CD44: variants seen among roughly 807,000 people sequenced by gnomAD.
CD44 encodes CD44 antigen.
In CD44, 49 loss-of-function variants were observed where a neutral mutation model predicts 88.8. That is an observed-to-expected ratio of 0.55 (90% confidence interval 0.44 to 0.70). The LOEUF (loss-of-function observed/expected upper bound fraction) is 0.70. CD44 is among the 30% of genes least tolerant of loss of function. The probability of loss-of-function intolerance (pLI) is 0.00; values close to 1 mark genes in which losing one functional copy is unlikely to be tolerated. For missense variants in CD44, 883 were observed against 913.8 expected, an observed-to-expected ratio of 0.97 and a Z score of 0.43; for synonymous variants, 325 against 312.3, an observed-to-expected ratio of 1.04 and a Z score of -0.43.
At chr11:35,145,495 G>A (rs533804008) in intron 1 of CD44, among the ~76,000 whole-genome samples, 8 of 152,176 alleles carry the variant, frequency 5.3e-5, no homozygotes, top group Non-Finnish European at 7.4e-5. Context: ...GTTTGTTTGC[G>A]GCTTTGGTGG....
intron 11 of CD44, 138 bp downstream of exon 11, chr11:35,206,381 T>A (rs1007442680): frequency 3.6e-5 from 30 of 826,882 alleles, no homozygotes; most frequent in Non-Finnish European, 5.0e-5. Flanking sequence ...AAAAATTAGT[T>A]TTCTTGGTAG....
chr11:35,195,338 C>T (rs1054378270), intron 5 of CD44, among the ~76,000 whole-genome samples: 1 of 151,666 alleles, frequency 6.6e-6, no homozygotes, highest in Non-Finnish European at 1.5e-5. Context: ...ATATTCTTTA[C>T]TTCTATAAAT....
At chr11:35,144,516 A>G (rs1246637263) in intron 1 of CD44, among the ~76,000 whole-genome samples, 1 of 152,150 alleles carries the variant, frequency 6.6e-6, no homozygotes, top group Non-Finnish European at 1.5e-5. Context: ...TTAAATTTGA[A>G]TCCCACTTTT....
In CD44 at chr11:35,205,022, T is replaced by A. The variant is rs557657019; in HGVS notation, c.1282+382T>A. On this transcript the variant is annotated intron_variant, in intron 10 of 17. Coordinates refer to ENST00000428726, the MANE Select transcript of CD44 (RefSeq NM_000610.4). ...CTTTACAATATGATTCTGCAAAGTC[T>A]GGCTGTGAGAAAGCATTTTGTCAGA... The A allele has an allele frequency of 7.2e-4, 116 of 161,096 alleles. 3 individuals are homozygous for A. The South Asian group carries it at 0.019, about 26-fold the overall frequency. The allele number at this position is 161,096 out of a possible 1,614,324, so 10.0% of individuals were successfully genotyped here. A position where few individuals can be genotyped will look rare whatever the true frequency, so the allele number is the denominator to read the frequency against.
At chr11:35,201,003 A>C (rs1947261703) in intron 7 of CD44, 79 bp from the exon 8 acceptor site, 1 of 994,862 alleles carries the variant, frequency 1.0e-6, no homozygotes, top group Non-Finnish European at 1.6e-6. Context: ...AGCCTACAGA[A>C]GCAAGACTAT....
intron 17 of CD44, among the ~76,000 whole-genome samples, chr11:35,224,274 C>A (rs1440080002): frequency 6.6e-6 from 1 of 152,204 alleles, no homozygotes; most frequent in Non-Finnish European, 1.5e-5. Flanking sequence ...CCCCTGCCAT[C>A]ATCCAAAACA....
rs2134491495 is a variant in CD44 at position 35,229,826 on chromosome 11, C to T, written c.*493C>T. On this transcript the variant is annotated 3_prime_UTR_variant, in exon 18 of 18. Coordinates refer to ENST00000428726, the MANE Select transcript of CD44 (RefSeq NM_000610.4). ...CTAGTTACACATCTTCAACAGACCC[C>T]CTCTAGAAATTTTTCAGATGCTTCT... is the stretch of plus-strand genomic sequence containing the variant. 6.3e-6 allele frequency: 1 copy of T among 159,542 alleles called. No individual in the cohort carries two copies. Among genetic ancestry groups the T allele is most frequent in the South Asian group, 1.9e-4 (1 of 5,330 alleles). 9.9% of individuals were successfully genotyped at this position (159,542 alleles called of 1,614,324 possible). A position where few individuals can be genotyped will look rare whatever the true frequency, so the allele number is the denominator to read the frequency against.
intron 1 of CD44, among the ~76,000 whole-genome samples, chr11:35,158,273 C>T (rs1350980517): frequency 6.6e-6 from 1 of 152,196 alleles, no homozygotes; most frequent in Admixed American, 6.5e-5. Context: ...AGAAGGTTTA[C>T]TCCAGCCCAC....
At chr11:35,166,572 A>T (rs1943295805) in intron 1 of CD44, among the ~76,000 whole-genome samples, 1 of 152,162 alleles carries the variant, frequency 6.6e-6, no homozygotes, top group African/African-American at 2.4e-5. Flanking sequence ...AACCCTTGGG[A>T]TTCTTCTCCA....
intron 7 of CD44, 37 bp downstream of exon 7, chr11:35,198,283 A>G: frequency 1.3e-6 from 2 of 1,598,658 alleles, no homozygotes; most frequent in East Asian, 2.2e-5. Context: ...CATTTATGCA[A>G]GGCTTATTGA....
At position 35,151,048 on chromosome 11, in the gene CD44, C is replaced by G. The variant is rs1408970687; in HGVS notation, c.67+11678C>G. On this transcript the variant is annotated intron_variant, in intron 1 of 17. Coordinates refer to ENST00000428726, the MANE Select transcript of CD44 (RefSeq NM_000610.4). ...AGTGTCAGAAGACAGGAAAAACAGA[C>G]ATCTCGATTGCATGTGAAGGCTTCA... Among the ~76,000 whole-genome samples, 5 of 152,180 alleles carry G rather than the reference C, an allele frequency of 3.3e-5. No individual in the cohort carries two copies. The East Asian group carries it at 9.6e-4, about 29-fold the overall frequency.
At chr11:35,173,159 T>G (rs1045755787) in intron 1 of CD44, among the ~76,000 whole-genome samples, 1 of 152,226 alleles carries the variant, frequency 6.6e-6, no homozygotes, top group Non-Finnish European at 1.5e-5. Flanking sequence ...GCCTCAGAGT[T>G]GATTTTTAAC....
chr11:35,198,377 A>G (rs987647910), intron 7 of CD44, 131 bp downstream of exon 7: 1 of 724,316 alleles, frequency 1.4e-6, no homozygotes, highest in Admixed American at 2.6e-5. Flanking sequence ...TACCTTAGTT[A>G]TATCTTGATG....
chr11:35,219,836 T>A (rs1316406423), intron 16 of CD44, among the ~76,000 whole-genome samples: 2 of 151,540 alleles, frequency 1.3e-5, no homozygotes, highest in Non-Finnish European at 2.9e-5. Context: ...TTAGATGGAG[T>A]GAAAACTTTC....
At chr11:35,209,862 C>T in intron 12 of CD44, 103 bp from the exon 13 acceptor site, 2 of 701,482 alleles carry the variant, frequency 2.9e-6, no homozygotes, top group East Asian at 5.7e-5. Context: ...TCCTATGCAC[C>T]TATCCATCTG....
chr11:35,153,340 G>A (rs554685581), intron 1 of CD44, among the ~76,000 whole-genome samples: 1 of 152,278 alleles, frequency 6.6e-6, no homozygotes, highest in South Asian at 2.1e-4. Context: ...TGTTTACACT[G>A]CACTGGAGCC....
chr11:35,180,212 G>A (rs1264983731), intron 2 of CD44, 62 bp from the exon 3 acceptor site: 7 of 1,537,082 alleles, frequency 4.6e-6, no homozygotes, highest in Non-Finnish European at 5.4e-6. Flanking sequence ...TCATTGAATG[G>A]GATATTATGA....
Position 35,142,544 on chromosome 11 carries a change from A to G in CD44, c.67+3174A>G, listed in dbSNP as rs759793487. Among the ~76,000 whole-genome samples, 5 of 152,162 alleles carry G rather than the reference A, an allele frequency of 3.3e-5. No individual in the cohort carries two copies. In the East Asian group the frequency reaches 5.8e-4, roughly 18 times the overall value. On this transcript the variant is annotated intron_variant, in intron 1 of 17. Transcript: ENST00000428726. ...TCTGCTCCCTTCTCTCTAATTGAGC[A>G]TTAGAGACTCCGCCCCCTGCTGGGA...
At chr11:35,158,587 A>T (rs543729016) in intron 1 of CD44, among the ~76,000 whole-genome samples, 1 of 152,308 alleles carries the variant, frequency 6.6e-6, no homozygotes, top group East Asian at 1.9e-4. Flanking sequence ...GGTCATTGTG[A>T]TGATTACACT....
Sources: allele counts gnomAD v4.1 joint callset (sites outside exome capture counted in the v4.1 genomes callset), GRCh38; gene constraint gnomAD v4.1.1; transcripts MANE v1.5; gene names NCBI Gene and HGNC (gene_info 2026-07-23, HGNC 2026-07-21).